The following SNRPA1 variants were observed in gnomAD, a reference collection of about 807,000 sequenced individuals.
The protein encoded by SNRPA1 is U2 small nuclear ribonucleoprotein A'.
A neutral mutation model predicts 32.3 loss-of-function variants in SNRPA1; 5 were observed. That is an observed-to-expected ratio of 0.15 (90% confidence interval 0.08 to 0.33). SNRPA1 has a LOEUF of 0.33. SNRPA1 is among the 10% of genes least tolerant of loss of function. The pLI is 1.00. For synonymous variants in SNRPA1, 111 were observed against 120.1 expected (o/e 0.92, Z 0.50); for missense variants, 198 against 311.1 (o/e 0.64, Z 2.74).
At position 101,281,745 on chromosome 15, in the gene SNRPA1, G is replaced by A. The variant is rs1035251208; in HGVS notation, c.747C>T (p.Asp249=). The A allele has an allele frequency of 5.0e-6, 8 of 1,613,798 alleles. No homozygotes were observed. The highest frequency in any genetic ancestry group is 5.9e-6 in the Non-Finnish European group (7 of 1,179,676). ...CTGCTCAGGACCCGTTTGTGACTGTGTCTTCTTCCATCTCTTCTTCACCAT... is the reference window on the plus strand; with the variant it reads ...CTGCTCAGGACCCGTTTGTGACTGTATCTTCTTCCATCTCTTCTTCACCAT... ...TDDGEEEMEE[D]TVTNGS The change falls in exon 9 of 9, where the codon GAC becomes GAT. Residue 249 remains aspartate, a synonymous_variant. Transcript: ENST00000254193.
At position 101,292,058 on chromosome 15, in the gene SNRPA1, T is replaced by C; in HGVS notation, c.231-18A>G. ...CTATACGGCTAAAATAAAAATAGAG[T>C]CTTAGTAAAAGTGAAAATTAAATAA... On this transcript the variant is annotated intron_variant, in intron 2 of 8. Coordinates refer to ENST00000254193, the MANE Select transcript of SNRPA1 (RefSeq NM_003090.4). 1.3e-6 allele frequency: 2 copies of C among 1,567,792 alleles called. No homozygotes were observed. Among genetic ancestry groups the C allele is most frequent in the Non-Finnish European group, 1.8e-6 (2 of 1,139,096 alleles).
At chr15:101,287,574 T>C (rs1031801302) in intron 4 of SNRPA1, 82 bp downstream of exon 4, 3 of 1,191,064 alleles carry the variant, frequency 2.5e-6, no homozygotes, top group Non-Finnish European at 3.8e-6. Flanking sequence ...TTTTTAATTA[T>C]CTGATTACAT....
rs1335233312 is a variant in SNRPA1, at chr15:101,281,646, C to T, written c.*78G>A. The T allele has an allele frequency of 3.8e-6, 4 of 1,044,232 alleles. No homozygotes were observed. Among genetic ancestry groups the T allele is most frequent in the Non-Finnish European group, 6.0e-6 (4 of 666,012 alleles). 64.7% of individuals were successfully genotyped at this position (1,044,232 alleles called of 1,614,324 possible). A position where few individuals can be genotyped will look rare whatever the true frequency, so the allele number is the denominator to read the frequency against. On this transcript the variant is annotated 3_prime_UTR_variant, in exon 9 of 9. Transcript: ENST00000254193. ...GCTGATAGATTCCACTTTGCTAACA[C>T]AAACAAGGCTATTATACCATGTTCG...
At chr15:101,288,743 A>G (rs1452544631) in intron 3 of SNRPA1, among the ~76,000 whole-genome samples, 1 of 152,214 alleles carries the variant, frequency 6.6e-6, no homozygotes, top group South Asian at 2.1e-4. Context: ...CGGCCTTTGT[A>G]CAGGAAGAAG....
intron 1 of SNRPA1, chr15:101,294,841 G>C (rs944437920): frequency 2.5e-6 from 1 of 398,050 alleles, no homozygotes; most frequent in Non-Finnish European, 4.5e-6. Context: ...GCCCCACGAG[G>C]ACGCACCAGG....
At chr15:101,289,122 T>C (rs1036553505) in intron 3 of SNRPA1, among the ~76,000 whole-genome samples, 1 of 152,214 alleles carries the variant, frequency 6.6e-6, no homozygotes, top group African/African-American at 2.4e-5. Context: ...AGCTTGATAC[T>C]GTTTTACCCC....
At chr15:101,282,154 T>C (rs2141304117) in intron 8 of SNRPA1, among the ~76,000 whole-genome samples, 1 of 152,386 alleles carries the variant, frequency 6.6e-6, no homozygotes, top group South Asian at 2.1e-4. Flanking sequence ...ACATGCCATA[T>C]ACTGGCAACA....
chr15:101,294,163 G>A (rs2039560408), intron 1 of SNRPA1, among the ~76,000 whole-genome samples: 1 of 152,256 alleles, frequency 6.6e-6, no homozygotes, highest in South Asian at 2.1e-4. Flanking sequence ...CTGAACCGGG[G>A]AGGCGGCGGT....
chr15:101,289,055 C>G (rs2039490135), intron 3 of SNRPA1, among the ~76,000 whole-genome samples: 1 of 152,180 alleles, frequency 6.6e-6, no homozygotes, highest in African/African-American at 2.4e-5. Context: ...CAGAAATTCT[C>G]AAAAAGCAAG....
intron 7 of SNRPA1, among the ~76,000 whole-genome samples, chr15:101,285,363 C>T (rs985182293): frequency 1.3e-5 from 2 of 152,046 alleles, no homozygotes; most frequent in Non-Finnish European, 2.9e-5. Flanking sequence ...TTTAAGGAGG[C>T]AATATTATAA....
chr15:101,285,229 A>G, intron 7 of SNRPA1, 169 bp from the exon 8 acceptor site: 1 of 554,088 alleles, frequency 1.8e-6, no homozygotes, highest in Non-Finnish European at 3.2e-6. Context: ...AAATAAAACT[A>G]GAAGCCAAAC....
Position 101,285,780 on chromosome 15 carries a change from C to A in SNRPA1, c.561G>T (p.Leu187Phe), listed in dbSNP as rs763834626. The change falls in exon 7 of 9, where the codon TTG (leucine) becomes TTT (phenylalanine). Residue 187 changes from leucine (L) to phenylalanine (F), a missense_variant. Physicochemically the swap from Leu to Phe is conservative, Grantham distance 22. Coordinates refer to ENST00000254193, the MANE Select transcript of SNRPA1 (RefSeq NM_003090.4). ...RSKTFNPGAGLPTDKKKGGPS... is the reference protein window; with the variant it reads ...RSKTFNPGAGFPTDKKKGGPS... ...GCCCACCTTTCTTTTTGTCAGTTGG[C>A]AAACCAGCACCTGGATTAAAACTTA... The A allele has an allele frequency of 6.2e-7, 1 of 1,613,558 alleles. No homozygotes were observed. Among genetic ancestry groups the A allele is most frequent in the Non-Finnish European group, 8.5e-7 (1 of 1,179,692 alleles).
rs549026776 is a variant in SNRPA1 at position 101,285,067 on chromosome 15, GAC to G, written c.616-9_616-8del. 9.0e-5 allele frequency: 144 copies of G among 1,607,232 alleles called. 1 individual carries two copies. In the South Asian group the frequency reaches 1.5e-3, roughly 16 times the overall value. ...AAGCATTTGCTATGGCATTCTGGAG[GAC>G]AGAGGGCAATGGAGATGGATGATTA... On this transcript the variant is annotated splice_polypyrimidine_tract_variant and splice_region_variant and intron_variant, in intron 7 of 8. Transcript: ENST00000254193.
chr15:101,295,095 AC>A lies in SNRPA1; in HGVS notation c.82+1del. ...ACTGGCCGCCCACGCCCCCGGACTC[AC>A]CCCGGAGGTCCAGCTCCCGGTCGCG... On this transcript the variant is annotated splice_donor_variant, in intron 1 of 8. Transcript: ENST00000254193. LOFTEE classifies it high-confidence loss of function. 6.6e-7 allele frequency: 1 copy of A among 1,514,598 alleles called. No homozygotes were observed. The highest frequency in any genetic ancestry group is 2.8e-5 in the East Asian group (1 of 36,224). The allele number at this position is 1,514,598 out of a possible 1,614,324, so 93.8% of individuals were successfully genotyped here.
In SNRPA1 at chr15:101,285,820, A is replaced by G. The variant is rs778079401; in HGVS notation, c.540-19T>C. On this transcript the variant is annotated intron_variant, in intron 6 of 8. Transcript: ENST00000254193. ...ATTAAAACTTAAGAGGGGGAAGAACATAACTGTTAGACCTAGACCAACAGA... is the reference window on the plus strand; with the variant it reads ...ATTAAAACTTAAGAGGGGGAAGAACGTAACTGTTAGACCTAGACCAACAGA... The G allele has an allele frequency of 1.1e-5, 18 of 1,603,270 alleles. No homozygotes were observed. Among genetic ancestry groups the G allele is most frequent in the Admixed American group, 5.0e-5 (3 of 59,996 alleles).
chr15:101,285,898 G>A, intron 6 of SNRPA1, 97 bp from the exon 7 acceptor site: 1 of 878,016 alleles, frequency 1.1e-6, no homozygotes, highest in Non-Finnish European at 1.8e-6. Context: ...AACCAGTGTA[G>A]TATCTTATCT....
intron 3 of SNRPA1, among the ~76,000 whole-genome samples, chr15:101,291,651 G>T (rs968108878): frequency 1.3e-5 from 2 of 151,712 alleles, no homozygotes; most frequent in African/African-American, 4.9e-5. Context: ...AAACAACATA[G>T]GAGTTTATAA....
intron 3 of SNRPA1, among the ~76,000 whole-genome samples, chr15:101,291,533 T>G (rs114093140): frequency 0.015 from 2,127 of 143,994 alleles, 52 homozygotes; most frequent in African/African-American, 0.051. Context: ...TTTTTTTTTT[T>G]GCACTTAAGT....
chr15:101,285,669 T>C, intron 7 of SNRPA1, 57 bp downstream of exon 7: 1 of 1,130,128 alleles, frequency 8.8e-7, no homozygotes, highest in Non-Finnish European at 1.4e-6. Flanking sequence ...TTATCCAGCT[T>C]TGTGTTCTGA....
Sources: allele counts gnomAD v4.1 joint callset (sites outside exome capture counted in the v4.1 genomes callset), GRCh38; gene constraint gnomAD v4.1.1; transcripts MANE v1.5; gene names NCBI Gene and HGNC (gene_info 2026-07-23, HGNC 2026-07-21).